Variants in ZNF525 observed in about 807,000 individuals in gnomAD.
ZNF525 encodes the protein zinc finger protein 525.
A neutral mutation model predicts 37.6 loss-of-function variants in ZNF525; 33 were observed. That is an observed-to-expected ratio of 0.88 (90% CI 0.67 to 1.17). The LOEUF (loss-of-function observed/expected upper bound fraction) is 1.17, where lower values mean the gene tolerates loss of function less well. ZNF525 is among the 50% of genes most tolerant of loss of function. The probability of loss-of-function intolerance (pLI) is 0.00; values close to 1 mark genes in which losing one functional copy is unlikely to be tolerated. For missense variants in ZNF525, 449 were observed against 543.1 expected (o/e 0.83, Z 1.72); for synonymous variants, 170 against 182.3 (o/e 0.93, Z 0.54).
intron 1 of ZNF525, among the ~76,000 whole-genome samples, chr19:53,368,892 A>T (rs1182786033): frequency 6.6e-6 from 1 of 152,156 alleles, no homozygotes; most frequent in Non-Finnish European, 1.5e-5. Flanking sequence ...TTTGGTAAGC[A>T]TGATTGTCCT....
intron 1 of ZNF525, among the ~76,000 whole-genome samples, chr19:53,368,900 C>T (rs1378350394): frequency 6.6e-6 from 1 of 152,008 alleles, no homozygotes; most frequent in Non-Finnish European, 1.5e-5. Flanking sequence ...GCATGATTGT[C>T]CTTTGTTGTG....
chr19:53,376,096 C>A, intron 3 of ZNF525, 200 bp downstream of exon 3: 1 of 1,190,656 alleles, frequency 8.4e-7, no homozygotes, highest in Non-Finnish European at 1.2e-6. Context: ...AGGTGCATGC[C>A]ACCATGCCAG....
intron 1 of ZNF525, among the ~76,000 whole-genome samples, chr19:53,367,384 G>T (rs1330917480): frequency 6.6e-6 from 1 of 151,836 alleles, no homozygotes; most frequent in African/African-American, 2.4e-5. Context: ...TTAATAGAAA[G>T]CATCACTATT....
In ZNF525 at chr19:53,365,706, G is replaced by C. The variant is rs7249464; in HGVS notation, c.-121G>C. The C allele has an allele frequency of 0.56, 97,501 of 174,088 alleles. 27,793 individuals carry two copies. Among genetic ancestry groups the C allele is most frequent in the East Asian group, 0.63 (3,649 of 5,754 alleles). 10.8% of individuals were successfully genotyped at this position (174,088 alleles called of 1,614,324 possible). A position where few individuals can be genotyped will look rare whatever the true frequency, so the allele number is the denominator to read the frequency against. On this transcript the variant is annotated 5_prime_UTR_variant, in exon 1 of 4. Coordinates refer to ENST00000474037, the MANE Select transcript of ZNF525 (RefSeq NM_001348156.2). Reference sequence around the variant, plus strand: ...CCTGGCTTCTGTCCTTCCCCGCTCAGACGCGCGCAAACCCGGAAGCAGATC... The same window carrying C: ...CCTGGCTTCTGTCCTTCCCCGCTCACACGCGCGCAAACCCGGAAGCAGATC...
chr19:53,383,043 G>A lies in ZNF525; in HGVS notation c.*1024G>A. The A allele has an allele frequency of 6.9e-7, 1 of 1,454,590 alleles. No homozygotes were observed. The highest frequency in any genetic ancestry group is 9.6e-7 in the Non-Finnish European group (1 of 1,044,810). 90.1% of individuals were successfully genotyped at this position (1,454,590 alleles called of 1,614,324 possible). On this transcript the variant is annotated 3_prime_UTR_variant, in exon 4 of 4. Coordinates refer to ENST00000474037, the MANE Select transcript of ZNF525 (RefSeq NM_001348156.2). Reference sequence around the variant, plus strand: ...AAAGCAAAGCTTGCATGTCATCATAGACTTCATACTGGAGAGAACGCTTGC... The same window carrying A: ...AAAGCAAAGCTTGCATGTCATCATAAACTTCATACTGGAGAGAACGCTTGC...
At chr19:53,371,258 T>G (rs1600013720) in intron 1 of ZNF525, among the ~76,000 whole-genome samples, 1 of 149,512 alleles carries the variant, frequency 6.7e-6, no homozygotes, top group East Asian at 2.0e-4. Flanking sequence ...GAGTGCAGTC[T>G]CATGATCTTG....
At chr19:53,380,059 GA>G (rs1397253277) in intron 3 of ZNF525, among the ~76,000 whole-genome samples, 1 of 151,882 alleles carries the variant, frequency 6.6e-6, no homozygotes, top group Non-Finnish European at 1.5e-5. Context: ...TTTCTGCATG[GA>G]TATAGGTAAT....
rs762311066 is a variant in ZNF525, at chr19:53,381,381, G to A, written c.802G>A (p.Glu268Lys). 6.9e-6 allele frequency: 11 copies of A among 1,596,744 alleles called. No individual in the cohort carries two copies. The highest frequency in any genetic ancestry group is 9.4e-6 in the Non-Finnish European group (11 of 1,164,334). The stretch of plus-strand genomic sequence containing the variant: ...ACGCCATCGTAGATGTCACACTGGT[G>A]AGAAACCTTACAAGTGTAATGAGTG... The part of the protein sequence containing the change: ...LARHRRCHTG[E>K]KPYKCNECGK... Residue 268 changes from glutamate (E) to lysine (K), a missense_variant, in exon 4 of 4, where the codon GAG becomes AAG. By Grantham distance (56) the Glu-to-Lys change is moderately conservative (BLOSUM62 1). Transcript: ENST00000474037.
At chr19:53,375,094 T>G (rs910180178) in intron 2 of ZNF525, among the ~76,000 whole-genome samples, 1 of 151,932 alleles carries the variant, frequency 6.6e-6, no homozygotes, top group Non-Finnish European at 1.5e-5. Context: ...TTGGTGCAAT[T>G]TTGGATCATT....
Position 53,382,008 on chromosome 19 carries a change from A to C in ZNF525, c.1429A>C (p.Ser477Arg), listed in dbSNP as rs780935528. The C allele has an allele frequency of 1.0e-5, 12 of 1,195,680 alleles. No homozygotes were observed. The highest frequency in any genetic ancestry group is 9.1e-5 in the African/African-American group (6 of 66,154). The allele number at this position is 1,195,680 out of a possible 1,614,324, so 74.1% of individuals were successfully genotyped here. ...CKCGECDKAY[S>R]FK ...GTGTGGAGAATGTGACAAGGCTTAC[A>C]GTTTCAAATAAAATCTTGAAATACG... is the stretch of plus-strand genomic sequence containing the variant. The change falls in exon 4 of 4, where the codon AGT becomes CGT. Residue 477 changes from serine to arginine, a missense_variant. Physicochemically the swap from Ser to Arg is moderately radical, Grantham distance 110. Coordinates refer to ENST00000474037, the MANE Select transcript of ZNF525 (RefSeq NM_001348156.2).
At position 53,372,292 on chromosome 19, in the gene ZNF525, C is replaced by A; in HGVS notation, c.11C>A (p.Pro4His). The A allele has an allele frequency of 1.3e-6, 1 of 784,928 alleles. No homozygotes were observed. Among genetic ancestry groups the A allele is most frequent in the Non-Finnish European group, 2.3e-6 (1 of 432,686 alleles). 48.6% of individuals were successfully genotyped at this position (784,928 alleles called of 1,614,324 possible). A position where few individuals can be genotyped will look rare whatever the true frequency, so the allele number is the denominator to read the frequency against. The change falls in exon 2 of 4, where the codon CCT becomes CAT. Residue 4 changes from proline (P) to histidine (H), a missense_variant. Around this residue, in one of 2 missense-constraint regions of ZNF525, gnomAD observed 271 missense variants for 381.6 expected, o/e 0.71. Transcript: ENST00000474037. MAL[P>H]QGLLTFRDVA... ...GCAGAGGAGTCAGGGATGGCTCTTC[C>A]TCAGGTGAGACGATATTCTCAGTGG...
intron 3 of ZNF525, among the ~76,000 whole-genome samples, chr19:53,379,838 C>T (rs998203687): frequency 6.6e-6 from 1 of 151,980 alleles, no homozygotes; most frequent in African/African-American, 2.4e-5. Context: ...CCTATCTCTA[C>T]TAAAAATACA....
intron 3 of ZNF525, 30 bp from the exon 4 acceptor site, chr19:53,380,692 T>G (rs752691351): frequency 3.1e-6 from 3 of 983,304 alleles, no homozygotes; most frequent in Non-Finnish European, 4.6e-6. Flanking sequence ...TATTGTCTTT[T>G]GTGTACCTAT....
chr19:53,378,185 A>G, intron 3 of ZNF525, among the ~76,000 whole-genome samples: 1 of 152,144 alleles, frequency 6.6e-6, no homozygotes, highest in East Asian at 1.9e-4. Flanking sequence ...GGCTAGGTGT[A>G]GTGGCTCAAG....
Position 53,381,323 on chromosome 19 carries a change from T to C in ZNF525, c.744T>C (p.Cys248=), listed in dbSNP as rs776668890. ...AGAAACAATATAAATGTGATGTATG[T>C]GACAAGGTCTTTATTCGGAAGCGAT... ...LGEKQYKCDV[C]DKVFIRKRYL... The change falls in exon 4 of 4, where the codon TGT becomes TGC. Residue 248 remains cysteine (C), a synonymous_variant. Coordinates refer to ENST00000474037, the MANE Select transcript of ZNF525 (RefSeq NM_001348156.2). 1.3e-6 allele frequency: 2 copies of C among 1,523,400 alleles called. No individual in the cohort carries two copies. Among genetic ancestry groups the C allele is most frequent in the Non-Finnish European group, 1.8e-6 (2 of 1,097,396 alleles). The allele number at this position is 1,523,400 out of a possible 1,614,324, so 94.4% of individuals were successfully genotyped here.
rs2085606035 is a variant in ZNF525 at position 53,386,225 on chromosome 19, T to C, written c.*4206T>C. 7 of 646,982 alleles carry C rather than the reference T, an allele frequency of 1.1e-5. No individual in the cohort carries two copies. Among genetic ancestry groups the C allele is most frequent in the South Asian group, 8.2e-5 (6 of 73,530 alleles). The allele number at this position is 646,982 out of a possible 1,614,324, so 40.1% of individuals were successfully genotyped here. ...CATCGTGGTGTGTGCTTGACTCTGCTTCTTGCCACATCTTCTCAGAAGACT... is the reference window on the plus strand; with the variant it reads ...CATCGTGGTGTGTGCTTGACTCTGCCTCTTGCCACATCTTCTCAGAAGACT... On this transcript the variant is annotated 3_prime_UTR_variant, in exon 4 of 4. Transcript: ENST00000474037.
intron 2 of ZNF525, among the ~76,000 whole-genome samples, chr19:53,374,743 T>A (rs898642485): frequency 4.6e-5 from 7 of 152,250 alleles, no homozygotes; most frequent in Non-Finnish European, 8.8e-5. Context: ...CTTTTACATT[T>A]TGAAAATCTG....
intron 2 of ZNF525, among the ~76,000 whole-genome samples, chr19:53,374,754 G>T (rs1445706338): frequency 6.6e-6 from 1 of 151,972 alleles, no homozygotes; most frequent in Non-Finnish European, 1.5e-5. Flanking sequence ...TGAAAATCTG[G>T]GGAAAATGAC....
chr19:53,369,317 A>C (rs977295067), intron 1 of ZNF525, among the ~76,000 whole-genome samples: 1 of 151,718 alleles, frequency 6.6e-6, no homozygotes, highest in African/African-American at 2.4e-5. Context: ...ATCTTGGCCC[A>C]CTGCAACCTC....
Sources: allele counts gnomAD v4.1 joint callset (sites outside exome capture counted in the v4.1 genomes callset), GRCh38; gene constraint gnomAD v4.1.1; regional missense constraint gnomAD v4.1.1; transcripts MANE v1.5; gene names NCBI Gene and HGNC (gene_info 2026-07-23, HGNC 2026-07-21).